The following CPNE3 variants were observed in gnomAD, a reference collection of about 807,000 sequenced individuals.
The protein encoded by CPNE3 is copine-3.
CPNE3 carries 68 observed loss-of-function variants against 63.9 expected under a neutral mutation model. The observed-to-expected ratio is 1.06, with a 90% CI of 0.87 to 1.30. The LOEUF (loss-of-function observed/expected upper bound fraction) is 1.30. Among genes scored for constraint, CPNE3 ranks in the 50% most tolerant of loss-of-function variants. The pLI is 0.00. For missense variants in CPNE3, 665 were observed against 578.1 expected, an observed-to-expected ratio of 1.15 and a Z score of -1.54; for synonymous variants, 219 against 197.5, an observed-to-expected ratio of 1.11 and a Z score of -0.91.
Position 86,547,757 on chromosome 8 carries a change from A to G in CPNE3, c.866A>G (p.Gln289Arg). ...TFLDYIMGGC[Q>R]LNFTVGVDFT... ...CTTGACTATATAATGGGAGGATGTCAGCTGAATTTTACTGTAAGTAACACA... is the reference window on the plus strand; with the variant it reads ...CTTGACTATATAATGGGAGGATGTCGGCTGAATTTTACTGTAAGTAACACA... The change falls in exon 11 of 17, where the codon CAG (glutamine) becomes CGG (arginine). Residue 289 changes from glutamine (Q) to arginine (R), a missense_variant. Physicochemically the swap from Gln to Arg is conservative, Grantham distance 43. Coordinates refer to ENST00000517490, the MANE Select transcript of CPNE3 (RefSeq NM_003909.5). 1 of 1,361,158 alleles carries G rather than the reference A, an allele frequency of 7.3e-7. No individual in the cohort carries two copies. Among genetic ancestry groups the G allele is most frequent in the Non-Finnish European group, 1.0e-6 (1 of 953,476 alleles). 84.3% of individuals were successfully genotyped at this position (1,361,158 alleles called of 1,614,324 possible). A position where few individuals can be genotyped will look rare whatever the true frequency, so the allele number is the denominator to read the frequency against.
chr8:86,544,206 T>G (rs1444394176), intron 8 of CPNE3, among the ~76,000 whole-genome samples: 1 of 152,192 alleles, frequency 6.6e-6, no homozygotes, highest in Non-Finnish European at 1.5e-5. Context: ...GATGCAAATC[T>G]GGCTTCATCA....
At position 86,551,077 on chromosome 8, in the gene CPNE3, G is replaced by A. The variant is rs777361924; in HGVS notation, c.1045G>A (p.Ala349Thr). Residue 349 changes from alanine (A) to threonine (T), a missense_variant, in exon 13 of 17, where the codon GCT (alanine) becomes ACT (threonine). Physicochemically the swap from Ala to Thr is moderately conservative, Grantham distance 58 (BLOSUM62 0). Transcript: ENST00000517490. ...GATGTTTCCAGCTTTTGGTTTTGGC[G>A]CTCAGATACCTCCTCAGTGGCAGGT... is the stretch of plus-strand genomic sequence containing the variant. ...DKMFPAFGFG[A>T]QIPPQWQVSH... 31 of 1,609,264 alleles carry A rather than the reference G, an allele frequency of 1.9e-5. No homozygotes were observed. Among genetic ancestry groups the A allele is most frequent in the African/African-American group, 1.7e-4 (13 of 74,718 alleles).
chr8:86,516,095 T>G (rs1460132695), intron 2 of CPNE3, among the ~76,000 whole-genome samples: 2 of 152,214 alleles, frequency 1.3e-5, no homozygotes, highest in Non-Finnish European at 2.9e-5. Flanking sequence ...CATCCCACTC[T>G]GGGCTGAAAA....
intron 7 of CPNE3, among the ~76,000 whole-genome samples, chr8:86,538,889 T>G (rs1346275813): frequency 6.6e-6 from 1 of 152,230 alleles, no homozygotes; most frequent in Non-Finnish European, 1.5e-5. Context: ...CCCTTTTTAA[T>G]TAATAAGTGC....
At chr8:86,547,562 G>A (rs556124408) in intron 10 of CPNE3, 149 bp from the exon 11 acceptor site, 3 of 591,952 alleles carry the variant, frequency 5.1e-6, no homozygotes, top group African/African-American at 1.9e-5. Flanking sequence ...ATAGGGGAAG[G>A]GGTATCTTAA....
At chr8:86,550,493 G>A (rs765973462) in intron 12 of CPNE3, among the ~76,000 whole-genome samples, 3 of 152,156 alleles carry the variant, frequency 2.0e-5, no homozygotes, top group Non-Finnish European at 2.9e-5. Context: ...TTATAATGGC[G>A]GAACATTGGC....
intron 6 of CPNE3, among the ~76,000 whole-genome samples, chr8:86,536,790 C>T (rs1353983317): frequency 6.6e-6 from 1 of 152,142 alleles, no homozygotes; most frequent in Non-Finnish European, 1.5e-5. Flanking sequence ...GTCTTACCAC[C>T]TGAGTTTAAC....
chr8:86,527,971 T>TTTTTTTTTTTTTTTTTTTTTTTG (rs1554600279), intron 2 of CPNE3, among the ~76,000 whole-genome samples: 1 of 141,878 alleles, frequency 7.0e-6, no homozygotes, highest in African/African-American at 2.7e-5. Context: ...TTTTTTTTTT[T>TTTTTTTTTTTTTTTTTTTTTTTG]AGACAGAGTC....
chr8:86,528,719 C>A (rs955326379), intron 3 of CPNE3, 42 bp downstream of exon 3: 48 of 1,562,048 alleles, frequency 3.1e-5, no homozygotes, highest in Non-Finnish European at 4.1e-5. Flanking sequence ...CTGAATTACC[C>A]TTTTAACAAT....
At position 86,558,697 on chromosome 8, in the gene CPNE3, G is replaced by A. The variant is rs192721513; in HGVS notation, c.*287G>A. On this transcript the variant is annotated 3_prime_UTR_variant, in exon 17 of 17. Transcript: ENST00000517490. Reference sequence around the variant, plus strand: ...GAAAGCTTATTCTGTTGTTGTTTTTGTTTACTTTCATATGATGAAAATGCT... The same window carrying A: ...GAAAGCTTATTCTGTTGTTGTTTTTATTTACTTTCATATGATGAAAATGCT... 2.2e-3 allele frequency: 711 copies of A among 329,096 alleles called. 2 individuals carry two copies. Among genetic ancestry groups the A allele is most frequent in the Non-Finnish European group, 3.2e-3 (552 of 173,200 alleles). The allele number at this position is 329,096 out of a possible 1,614,324, so 20.4% of individuals were successfully genotyped here. A position where few individuals can be genotyped will look rare whatever the true frequency, so the allele number is the denominator to read the frequency against.
At chr8:86,557,121 CA>C (rs1821342594) in intron 16 of CPNE3, among the ~76,000 whole-genome samples, 1 of 152,052 alleles carries the variant, frequency 6.6e-6, no homozygotes, top group South Asian at 2.1e-4. Context: ...AACATTTACG[CA>C]TGGGTTTTTG....
intron 8 of CPNE3, among the ~76,000 whole-genome samples, chr8:86,543,286 C>T (rs1342033940): frequency 4.6e-5 from 7 of 152,082 alleles, no homozygotes; most frequent in Non-Finnish European, 7.4e-5. Flanking sequence ...AAATCCCTTT[C>T]TGTTACTCAA....
chr8:86,520,075 A>G (rs1820400272), intron 2 of CPNE3, among the ~76,000 whole-genome samples: 1 of 144,986 alleles, frequency 6.9e-6, no homozygotes, highest in African/African-American at 2.4e-5. Context: ...TTTTTCTTCC[A>G]TTTCTCCTTT....
At chr8:86,532,429 A>T in intron 5 of CPNE3, 80 bp from the exon 6 acceptor site, 1 of 971,764 alleles carries the variant, frequency 1.0e-6, no homozygotes, top group Non-Finnish European at 1.5e-6. Flanking sequence ...TTTATATTAG[A>T]TAACAGAATA....
intron 2 of CPNE3, among the ~76,000 whole-genome samples, chr8:86,526,033 A>G: frequency 6.6e-6 from 1 of 152,148 alleles, no homozygotes; most frequent in Non-Finnish European, 1.5e-5. Context: ...AGGCCCAGGA[A>G]GTTGAAGTTA....
chr8:86,559,658 A>G lies in CPNE3; in HGVS notation c.*1248A>G, dbSNP rs1821395024. ...TGTGCTTTTTTTTTTTAAGAGTTGAATTTCTTTTCCTGACTTTTACCTTTT... is the reference window on the plus strand; with the variant it reads ...TGTGCTTTTTTTTTTTAAGAGTTGAGTTTCTTTTCCTGACTTTTACCTTTT... On this transcript the variant is annotated 3_prime_UTR_variant, in exon 17 of 17. Coordinates refer to ENST00000517490, the MANE Select transcript of CPNE3 (RefSeq NM_003909.5). The G allele has an allele frequency of 6.6e-6, 1 of 151,964 alleles. No individual in the cohort carries two copies. The highest frequency in any genetic ancestry group is 1.5e-5 in the Non-Finnish European group (1 of 67,994). The allele number at this position is 151,964 out of a possible 1,614,324, so 9.4% of individuals were successfully genotyped here. A position where few individuals can be genotyped will look rare whatever the true frequency, so the allele number is the denominator to read the frequency against.
At chr8:86,534,902 G>A (rs987963615) in intron 6 of CPNE3, among the ~76,000 whole-genome samples, 9 of 149,738 alleles carry the variant, frequency 6.0e-5, no homozygotes, top group African/African-American at 2.3e-4. Flanking sequence ...TTTTATGTTT[G>A]TGTGTTTTGT....
chr8:86,537,985 T>A lies in CPNE3; in HGVS notation c.543+339T>A, dbSNP rs950185787. On this transcript the variant is annotated intron_variant, in intron 7 of 16. Transcript: ENST00000517490. ...CTCTCTGTCTCTCTCTCTCTCTCTC[T>A]CTCACACACACACACACACACACTT... 8.8e-3 allele frequency among the ~76,000 whole-genome samples: 1,262 copies of A among 142,864 alleles called. 12 individuals carry two copies. Among genetic ancestry groups the A allele is most frequent in the African/African-American group, 0.029 (1,137 of 39,854 alleles). 93.7% of individuals were successfully genotyped at this position (142,864 alleles called of 152,430 possible).
Position 86,528,954 on chromosome 8 carries a change from A to C in CPNE3, c.142A>C (p.Thr48Pro), listed in dbSNP as rs776782136. ...SGQQWYEVER[T>P]ERIKNCLNPQ... The stretch of plus-strand genomic sequence containing the variant: ...TTGCGGATGGGTGTAGGTTGAGCGC[A>C]CAGAAAGGATTAAGAATTGCTTGAA... The change falls in exon 4 of 17, where the codon ACA (threonine) becomes CCA (proline). Residue 48 changes from threonine (T) to proline (P), a missense_variant. By Grantham distance (38) the Thr-to-Pro change is conservative. Coordinates refer to ENST00000517490, the MANE Select transcript of CPNE3 (RefSeq NM_003909.5). 8 of 1,612,662 alleles carry C rather than the reference A, an allele frequency of 5.0e-6. No individual in the cohort carries two copies.
Sources: gnomAD v4.1 joint callset for allele counts (sites outside exome capture counted in the v4.1 genomes callset) on GRCh38, gnomAD v4.1.1 for gene constraint, MANE v1.5 for transcripts, NCBI Gene and HGNC (gene_info 2026-07-23, HGNC 2026-07-21) for gene names.